Variants in PRKN observed in about 807,000 individuals in gnomAD.
The protein encoded by PRKN is E3 ubiquitin-protein ligase parkin.
PRKN carries 56 observed loss-of-function variants against 59.5 expected under a neutral mutation model. The ratio of observed to expected loss-of-function variants is 0.94; its 90% CI spans 0.76 to 1.18. The LOEUF (loss-of-function observed/expected upper bound fraction) is 1.18, where lower values mean the gene tolerates loss of function less well. PRKN is among the 50% of genes most tolerant of loss of function. The pLI is 0.00. For missense variants in PRKN, 657 were observed against 596.4 expected, an observed-to-expected ratio of 1.10 and a Z score of -1.06; for synonymous variants, 250 against 222.1, an observed-to-expected ratio of 1.13 and a Z score of -1.12.
At chr6:161,758,085 G>T (rs1789030310) in intron 7 of PRKN, among the ~76,000 whole-genome samples, 1 of 151,504 alleles carries the variant, frequency 6.6e-6, no homozygotes. Context: ...CAAGTGTTGA[G>T]TAGGAACTGG....
chr6:162,322,710 G>C (rs1783082523), intron 2 of PRKN, among the ~76,000 whole-genome samples: 1 of 152,002 alleles, frequency 6.6e-6, no homozygotes, highest in Admixed American at 6.6e-5. Flanking sequence ...AATGGTTCTA[G>C]AACAATTGAC....
At chr6:162,209,488 G>A (rs149875051) in intron 3 of PRKN, among the ~76,000 whole-genome samples, 25 of 152,224 alleles carry the variant, frequency 1.6e-4, no homozygotes, top group African/African-American at 3.9e-4. Context: ...AAACAGGAAC[G>A]CTTTTACATT....
At chr6:162,133,699 G>A (rs970466351) in intron 4 of PRKN, among the ~76,000 whole-genome samples, 2 of 152,184 alleles carry the variant, frequency 1.3e-5, no homozygotes, top group African/African-American at 4.8e-5. Flanking sequence ...CAGTTCTTGG[G>A]TTGCTGGGAA....
intron 6 of PRKN, among the ~76,000 whole-genome samples, chr6:161,939,196 T>C (rs1193219727): frequency 2.0e-5 from 3 of 151,822 alleles, no homozygotes; most frequent in Admixed American, 6.6e-5. Context: ...GGCGGGAGGA[T>C]CACCTGAGGC....
At chr6:162,701,627 T>C (rs1011171569) in intron 1 of PRKN, among the ~76,000 whole-genome samples, 38 of 151,976 alleles carry the variant, frequency 2.5e-4, no homozygotes, top group African/African-American at 8.5e-4. Flanking sequence ...TGAGACAATG[T>C]AGTAAGACAA....
chr6:161,369,547 G>C lies in PRKN; in HGVS notation c.1168-9342C>G, dbSNP rs376112014. 6.6e-6 allele frequency among the ~76,000 whole-genome samples: 1 copy of C among 152,122 alleles called. No individual in the cohort carries two copies. Among genetic ancestry groups the C allele is most frequent in the African/African-American group, 2.4e-5 (1 of 41,416 alleles). ...TTGTTGTGATTCAGCATCACCGCCC[G>C]ATTGTGCAATAAAGTGTGGCTCTCA... is the stretch of plus-strand genomic sequence containing the variant. On this transcript the variant is annotated intron_variant, in intron 10 of 11. Transcript: ENST00000366898. The surrounding 1 kb of genome is among the most constrained non-coding windows in gnomAD (Gnocchi z 5.8).
chr6:162,690,230 AGTAC>A (rs1202906594), intron 1 of PRKN, among the ~76,000 whole-genome samples: 3 of 152,102 alleles, frequency 2.0e-5, no homozygotes, highest in Non-Finnish European at 4.4e-5. Context: ...CTAGGTGCCA[AGTAC>A]TATTCTAAGC....
chr6:161,643,932 A>T (rs967044426), intron 7 of PRKN, among the ~76,000 whole-genome samples: 3 of 151,764 alleles, frequency 2.0e-5, no homozygotes, highest in African/African-American at 7.3e-5. Context: ...TGCCAGTTTG[A>T]CATGTGAATT....
At chr6:162,433,378 T>C (rs1259036038) in intron 2 of PRKN, among the ~76,000 whole-genome samples, 2 of 152,304 alleles carry the variant, frequency 1.3e-5, no homozygotes, top group Non-Finnish European at 2.9e-5. Flanking sequence ...TAACAGTGTA[T>C]TTGAAAGTCT....
intron 7 of PRKN, among the ~76,000 whole-genome samples, chr6:161,665,018 C>T (rs989830998): frequency 7.9e-5 from 12 of 151,948 alleles, no homozygotes; most frequent in Non-Finnish European, 1.8e-4. Context: ...GAACTCCTGA[C>T]CTCGTGATCC....
At chr6:162,084,035 G>A (rs1371124112) in intron 4 of PRKN, among the ~76,000 whole-genome samples, 1 of 151,890 alleles carries the variant, frequency 6.6e-6, no homozygotes, top group African/African-American at 2.4e-5. Context: ...AATACACATA[G>A]CATTCTCATA....
intron 1 of PRKN, among the ~76,000 whole-genome samples, chr6:162,549,685 C>A (rs2846569): frequency 1.3e-5 from 2 of 149,752 alleles, no homozygotes; most frequent in Non-Finnish European, 3.0e-5. Context: ...GTGGCCCAGG[C>A]TGAAGTGCAG....
At chr6:161,778,278 A>G (rs936626306) in intron 7 of PRKN, among the ~76,000 whole-genome samples, 8 of 152,128 alleles carry the variant, frequency 5.3e-5, no homozygotes, top group East Asian at 1.9e-4. Flanking sequence ...AAATTCAAAG[A>G]ACATATTTAC....
chr6:161,616,754 G>A lies in PRKN; in HGVS notation c.872-47338C>T, dbSNP rs1488894364. Among the ~76,000 whole-genome samples the A allele has an allele frequency of 3.3e-5, 5 of 152,176 alleles. No homozygotes were observed. The East Asian group carries it at 7.7e-4, about 23-fold the overall frequency. ...AAGGACATGAACTCACCCCCTTAAG[G>A]CTGCAAAGTATTCCATGGTGTATAT... On this transcript the variant is annotated intron_variant, in intron 7 of 11. Coordinates refer to ENST00000366898, the MANE Select transcript of PRKN (RefSeq NM_004562.3).
At chr6:161,910,984 G>C (rs569901809) in intron 6 of PRKN, among the ~76,000 whole-genome samples, 1 of 152,314 alleles carries the variant, frequency 6.6e-6, no homozygotes, top group African/African-American at 2.4e-5. Flanking sequence ...GTTAGTTTTA[G>C]AAGCACTGGG....
chr6:162,288,980 T>C (rs934389027), intron 2 of PRKN, among the ~76,000 whole-genome samples: 1 of 152,196 alleles, frequency 6.6e-6, no homozygotes, highest in African/African-American at 2.4e-5. Context: ...TGTTGTGGTC[T>C]GTAGGGTTTT....
intron 4 of PRKN, among the ~76,000 whole-genome samples, chr6:162,147,212 A>G (rs898009172): frequency 3.3e-5 from 5 of 151,412 alleles, no homozygotes; most frequent in East Asian, 2.0e-4. Flanking sequence ...GCGTGGTGGC[A>G]TATGCCTGTA....
At chr6:162,139,560 A>C (rs1781691717) in intron 4 of PRKN, among the ~76,000 whole-genome samples, 1 of 151,866 alleles carries the variant, frequency 6.6e-6, no homozygotes. Context: ...CACCCATAGC[A>C]CTCTCCACAG....
intron 1 of PRKN, among the ~76,000 whole-genome samples, chr6:162,652,326 T>C (rs1001340973): frequency 5.3e-5 from 8 of 152,206 alleles, no homozygotes; most frequent in Non-Finnish European, 7.3e-5. Flanking sequence ...GCTCATTATG[T>C]ACATACTTTC....
Sources: gnomAD v4.1 joint callset for allele counts (sites outside exome capture counted in the v4.1 genomes callset) on GRCh38, gnomAD v4.1.1 for gene constraint, Gnocchi (gnomAD v3.1) non-coding constraint, MANE v1.5 for transcripts, NCBI Gene and HGNC (gene_info 2026-07-23, HGNC 2026-07-21) for gene names.